Variants in CMSS1 observed in about 807,000 individuals in gnomAD.
The protein encoded by CMSS1 is cms1 ribosomal small subunit homolog, also known as protein CMSS1.
In CMSS1, 33 loss-of-function variants were observed where a neutral mutation model predicts 43.5. The ratio of observed to expected loss-of-function variants is 0.76; its 90% CI spans 0.57 to 1.01. CMSS1 has a LOEUF of 1.01. CMSS1 is among the 50% of genes least tolerant of loss of function. The pLI is 0.00. For missense variants in CMSS1, 313 were observed against 326.4 expected, an observed-to-expected ratio of 0.96 and a Z score of 0.32; for synonymous variants, 115 against 117.2, an observed-to-expected ratio of 0.98 and a Z score of 0.12.
chr3:99,900,936 G>C (rs192257186), intron 1 of CMSS1, among the ~76,000 whole-genome samples: 1 of 152,322 alleles, frequency 6.6e-6, no homozygotes, highest in African/African-American at 2.4e-5. Flanking sequence ...AGGGGAAGGG[G>C]CATGATGGTA....
At chr3:99,836,050 A>C (rs1382570638) in intron 1 of CMSS1, among the ~76,000 whole-genome samples, 1 of 152,182 alleles carries the variant, frequency 6.6e-6, no homozygotes, top group African/African-American at 2.4e-5. Context: ...CCATGGTAGA[A>C]GGTTTGGACT....
chr3:100,119,638 A>G (rs2066603516), intron 1 of CMSS1, among the ~76,000 whole-genome samples: 1 of 152,246 alleles, frequency 6.6e-6, no homozygotes, highest in African/African-American at 2.4e-5. Flanking sequence ...AAATGAACAA[A>G]GGATGAGAGT....
intron 1 of CMSS1, chr3:99,833,269 G>T: frequency 6.2e-7 from 1 of 1,608,758 alleles, no homozygotes; most frequent in Non-Finnish European, 8.5e-7. Context: ...CACCTAGGGA[G>T]CAGTAGAAAG....
chr3:99,970,231 A>G (rs1262700538), intron 1 of CMSS1, among the ~76,000 whole-genome samples: 1 of 152,218 alleles, frequency 6.6e-6, no homozygotes, highest in Non-Finnish European at 1.5e-5. Context: ...AATTTGCCCA[A>G]AGTCATCTGA....
At chr3:100,009,482 T>C (rs1034665942) in intron 1 of CMSS1, among the ~76,000 whole-genome samples, 7 of 151,998 alleles carry the variant, frequency 4.6e-5, no homozygotes, top group Non-Finnish European at 7.4e-5. Context: ...TCAGAGCTAA[T>C]GCACATAGGC....
chr3:99,891,385 G>A (rs1706077980), intron 1 of CMSS1, among the ~76,000 whole-genome samples: 1 of 152,002 alleles, frequency 6.6e-6, no homozygotes, highest in African/African-American at 2.4e-5. Context: ...TAAGTTTATG[G>A]AGTTTAACAA....
At chr3:100,007,268 T>G (rs1279385174) in intron 1 of CMSS1, among the ~76,000 whole-genome samples, 1 of 152,240 alleles carries the variant, frequency 6.6e-6, no homozygotes, top group Non-Finnish European at 1.5e-5. Flanking sequence ...TCTTTTTAGC[T>G]TTTATTTTTT....
intron 1 of CMSS1, among the ~76,000 whole-genome samples, chr3:100,110,227 C>G (rs981382369): frequency 1.3e-5 from 2 of 152,108 alleles, no homozygotes; most frequent in African/African-American, 4.8e-5. Context: ...TGATCAAATG[C>G]AAAGGTTCTT....
rs2067181130 is a variant in CMSS1, at chr3:100,180,967, T to C, written c.*2579T>C. 1 of 152,322 alleles carries C rather than the reference T, an allele frequency of 6.6e-6. No homozygotes were observed. Among genetic ancestry groups the C allele is most frequent in the African/African-American group, 2.4e-5 (1 of 41,446 alleles). The allele number at this position is 152,322 out of a possible 1,614,324, so 9.4% of individuals were successfully genotyped here. ...GGAGGCCTCAGGAAATTTACAATCA[T>C]GGCAGAAGATGAAAGGGATGCAACC... On this transcript the variant is annotated 3_prime_UTR_variant, in exon 10 of 10. Transcript: ENST00000421999.
chr3:100,083,775 A>C (rs185872223), intron 1 of CMSS1, among the ~76,000 whole-genome samples: 1 of 152,240 alleles, frequency 6.6e-6, no homozygotes, highest in East Asian at 1.9e-4. Context: ...GGGTCTCCCT[A>C]TGTTGCCCAG....
intron 1 of CMSS1, among the ~76,000 whole-genome samples, chr3:99,842,179 C>A (rs1259019329): frequency 2.0e-5 from 3 of 152,096 alleles, no homozygotes; most frequent in African/African-American, 7.2e-5. Flanking sequence ...TAATGGCATT[C>A]GTAGCAACCT....
chr3:100,018,972 A>G (rs2107221825), intron 1 of CMSS1, among the ~76,000 whole-genome samples: 2 of 152,326 alleles, frequency 1.3e-5, no homozygotes, highest in South Asian at 4.1e-4. Flanking sequence ...CATCAAGGAA[A>G]TATAAATCAA....
intron 1 of CMSS1, among the ~76,000 whole-genome samples, chr3:99,833,426 G>T (rs1204214932): frequency 1.3e-5 from 2 of 152,202 alleles, no homozygotes; most frequent in African/African-American, 2.4e-5. Context: ...AGCAAAAGAA[G>T]TATGGAAAGG....
rs1417013597 is a variant in CMSS1 at position 100,157,262 on chromosome 3, A to G, written c.154-3168A>G. Among the ~76,000 whole-genome samples, 7 of 151,180 alleles carry G rather than the reference A, an allele frequency of 4.6e-5. No homozygotes were observed. The South Asian group carries it at 8.4e-4, about 18-fold the overall frequency. ...GTTTTAATGCTTAACTGTTTTTCCCATTTTTACAGCATCTTGTTCTTGTTT... is the reference window on the plus strand; with the variant it reads ...GTTTTAATGCTTAACTGTTTTTCCCGTTTTTACAGCATCTTGTTCTTGTTT... On this transcript the variant is annotated intron_variant, in intron 2 of 9. Transcript: ENST00000421999.
chr3:100,046,452 A>G (rs539422436), intron 1 of CMSS1, among the ~76,000 whole-genome samples: 1 of 151,696 alleles, frequency 6.6e-6, no homozygotes, highest in East Asian at 1.9e-4. Context: ...GTTTACTAGT[A>G]GTAGCCTAAC....
At chr3:100,123,704 C>G (rs2066639789) in intron 1 of CMSS1, among the ~76,000 whole-genome samples, 1 of 152,120 alleles carries the variant, frequency 6.6e-6, no homozygotes, top group Non-Finnish European at 1.5e-5. Flanking sequence ...CCTCTAAAGG[C>G]CAAAAGCATT....
intron 1 of CMSS1, among the ~76,000 whole-genome samples, chr3:99,915,630 TA>T (rs938791437): frequency 1.1e-3 from 155 of 146,262 alleles, no homozygotes; most frequent in African/African-American, 2.0e-3. Context: ...CTTAATGGTT[TA>T]AAAAAAAAAA....
intron 1 of CMSS1, among the ~76,000 whole-genome samples, chr3:99,979,957 C>T (rs904006437): frequency 6.6e-6 from 1 of 151,760 alleles, no homozygotes; most frequent in Non-Finnish European, 1.5e-5. Flanking sequence ...ACATTAAGAA[C>T]ATTATTTTGA....
intron 1 of CMSS1, among the ~76,000 whole-genome samples, chr3:99,879,708 A>G (rs922836848): frequency 1.3e-5 from 2 of 152,176 alleles, no homozygotes; most frequent in Admixed American, 6.5e-5. Context: ...TTGAGCTATG[A>G]GATGGTAATG....
Sources: gnomAD v4.1 joint callset for allele counts (sites outside exome capture counted in the v4.1 genomes callset) on GRCh38, gnomAD v4.1.1 for gene constraint, MANE v1.5 for transcripts, NCBI Gene and HGNC (gene_info 2026-07-23, HGNC 2026-07-21) for gene names.